Variants in CHM observed in about 807,000 individuals in gnomAD.
CHM encodes the protein CHM Rab escort protein.
In CHM, 10 loss-of-function variants were observed where a neutral mutation model predicts 49.0. The observed-to-expected ratio is 0.20, with a 90% CI of 0.13 to 0.35. The LOEUF is 0.35. CHM is among the 10% of genes least tolerant of loss of function. The pLI, the probability that CHM is intolerant of heterozygous loss-of-function variation, is 1.00. For synonymous variants in CHM, 184 were observed against 167.5 expected (o/e 1.10, Z -0.76); for missense variants, 455 against 478.4 (o/e 0.95, Z 0.46).
At chrX:86,024,932 T>C (rs1218723022) in intron 2 of CHM, among the ~76,000 whole-genome samples, 1 of 111,189 alleles carries the variant, frequency 9.0e-6, no homozygotes, top group Non-Finnish European at 1.9e-5. Flanking sequence ...GATGAATTCA[T>C]GGCTTAATAT....
At chrX:85,949,404 A>G (rs763705720) in intron 8 of CHM, among the ~76,000 whole-genome samples, 16 of 111,780 alleles carry the variant, frequency 1.4e-4, no homozygotes, top group Non-Finnish European at 9.4e-5. Context: ...TGAGCTTTAG[A>G]TCACTTCCCA....
chrX:85,940,246 T>C (rs1929030640), intron 8 of CHM, among the ~76,000 whole-genome samples: 1 of 111,806 alleles, frequency 8.9e-6, no homozygotes, highest in South Asian at 3.7e-4. Flanking sequence ...AATCACCTCC[T>C]ACCAGGTCCC....
chrX:86,005,280 T>A (rs1300470913), intron 2 of CHM, among the ~76,000 whole-genome samples: 1 of 111,744 alleles, frequency 8.9e-6, no homozygotes, highest in African/African-American at 3.3e-5. Context: ...AGAAGGAAAT[T>A]TATAGCACTA....
rs115459660 is a variant in CHM at position 85,921,818 on chromosome X, A to C, written c.1167-10480T>G. On this transcript the variant is annotated intron_variant, in intron 8 of 14. Coordinates refer to ENST00000357749, the MANE Select transcript of CHM (RefSeq NM_000390.4). ...TTATCATAACACTATATTTAAAACA[A>C]CATATTGAGTTTTCTGTCATGTTGT... Among the ~76,000 whole-genome samples, 759 of 112,410 alleles carry C rather than the reference A, an allele frequency of 6.8e-3. 4 individuals are homozygous for C. The highest frequency in any genetic ancestry group is 0.022 in the African/African-American group (696 of 30,960).
chrX:85,893,778 G>A (rs1925634586), intron 12 of CHM, among the ~76,000 whole-genome samples: 1 of 111,239 alleles, frequency 9.0e-6, no homozygotes. Context: ...CCAGCCTCTA[G>A]AATTGTGAGC....
At chrX:85,961,737 C>T (rs188287505) in intron 5 of CHM, among the ~76,000 whole-genome samples, 2 of 111,397 alleles carry the variant, frequency 1.8e-5, no homozygotes, top group Admixed American at 1.9e-4. Flanking sequence ...AACGTATGAA[C>T]CCATGAAACT....
chrX:85,868,376 C>A (rs1228798753), intron 14 of CHM, among the ~76,000 whole-genome samples: 1 of 110,598 alleles, frequency 9.0e-6, no homozygotes, highest in African/African-American at 3.3e-5. Context: ...ATTACAGATG[C>A]CTGTCTTTGC....
chrX:85,965,614 G>T (rs899573969), intron 4 of CHM, among the ~76,000 whole-genome samples: 6 of 109,923 alleles, frequency 5.5e-5, no homozygotes, highest in African/African-American at 1.7e-4. Context: ...AAAAAATAAG[G>T]CCAAGAAAAA....
At chrX:86,032,528 C>T (rs915293060) in intron 1 of CHM, among the ~76,000 whole-genome samples, 82 of 111,282 alleles carry the variant, frequency 7.4e-4, no homozygotes, top group African/African-American at 2.5e-3. Flanking sequence ...TTAAGTTACC[C>T]TCAAAGATCT....
At chrX:85,879,951 T>A (rs1603236732) in intron 12 of CHM, among the ~76,000 whole-genome samples, 1 of 105,003 alleles carries the variant, frequency 9.5e-6, no homozygotes, top group South Asian at 4.1e-4. Flanking sequence ...ACTACTAGAA[T>A]TTTTTTTTTA....
intron 14 of CHM, among the ~76,000 whole-genome samples, chrX:85,870,537 G>T (rs1037076889): frequency 8.9e-6 from 1 of 111,756 alleles, no homozygotes; most frequent in Non-Finnish European, 1.9e-5. Flanking sequence ...AAAATACAAA[G>T]AGTATGGTAC....
chrX:85,882,524 T>C (rs369554982), intron 12 of CHM, among the ~76,000 whole-genome samples: 26 of 112,043 alleles, frequency 2.3e-4, no homozygotes, highest in African/African-American at 8.4e-4. Flanking sequence ...TGACTTCATT[T>C]AGCAACTGCT....
chrX:85,891,817 T>G (rs150062107), intron 12 of CHM, among the ~76,000 whole-genome samples: 202 of 111,360 alleles, frequency 1.8e-3, no homozygotes, highest in Admixed American at 6.5e-3. Context: ...ACCAACAGGT[T>G]GCGCCAGGAA....
intron 2 of CHM, among the ~76,000 whole-genome samples, chrX:86,018,376 G>A (rs1411170144): frequency 8.9e-6 from 1 of 112,154 alleles, no homozygotes; most frequent in Non-Finnish European, 1.9e-5. Flanking sequence ...AAAAAAAGGT[G>A]ACAACATCAA....
At chrX:86,031,081 A>T (rs1934024043) in intron 1 of CHM, among the ~76,000 whole-genome samples, 1 of 111,719 alleles carries the variant, frequency 9.0e-6, no homozygotes, top group South Asian at 3.8e-4. Context: ...ACAGAAGGAC[A>T]AATGCCACAT....
intron 2 of CHM, among the ~76,000 whole-genome samples, chrX:86,021,164 ATATATATGTG>A (rs1933583114): frequency 2.3e-5 from 1 of 43,089 alleles, no homozygotes; most frequent in Admixed American, 2.3e-4. Flanking sequence ...ATATACACGT[ATATATATGTG>A]TATATATATA....
intron 2 of CHM, among the ~76,000 whole-genome samples, chrX:85,982,300 T>C (rs781258920): frequency 5.8e-5 from 6 of 103,568 alleles, no homozygotes; most frequent in Non-Finnish European, 9.9e-5. Context: ...AACATACACA[T>C]ACACACAGAC....
chrX:85,909,970 G>GA (rs1418440340), intron 9 of CHM, among the ~76,000 whole-genome samples: 3 of 111,775 alleles, frequency 2.7e-5, no homozygotes, highest in Non-Finnish European at 5.7e-5. Context: ...CATGAATCAA[G>GA]ATGTTAACAT....
In CHM at chrX:85,996,105, A is replaced by C. The variant is rs757675712; in HGVS notation, c.117-14296T>G. ...CACATATATATGATTATTTTGGTAG[A>C]AGAGAAAGAGCCATTTTATTTTACT... On this transcript the variant is annotated intron_variant, in intron 2 of 14. Coordinates refer to ENST00000357749, the MANE Select transcript of CHM (RefSeq NM_000390.4). Among the ~76,000 whole-genome samples, 14 of 112,252 alleles carry C rather than the reference A, an allele frequency of 1.2e-4. No individual in the cohort carries two copies. The Admixed American group carries it at 1.3e-3, about 11-fold the overall frequency.
Sources: allele counts gnomAD v4.1 joint callset (sites outside exome capture counted in the v4.1 genomes callset), GRCh38; gene constraint gnomAD v4.1.1; transcripts MANE v1.5; gene names NCBI Gene and HGNC (gene_info 2026-07-23, HGNC 2026-07-21).